The following SERPINB8 variants were observed in gnomAD, a reference collection of about 807,000 sequenced individuals.
SERPINB8 encodes serpin B8.
Under a neutral mutation model 35.3 loss-of-function variants are expected in SERPINB8, and 25 were observed. The ratio of observed to expected loss-of-function variants is 0.71; its 90% CI spans 0.52 to 0.99. SERPINB8 has a LOEUF of 0.99. SERPINB8 is among the 50% of genes least tolerant of loss of function. The pLI, the probability that SERPINB8 is intolerant of heterozygous loss-of-function variation, is 0.00. For missense variants in SERPINB8, 484 were observed against 446.5 expected (o/e 1.08, Z -0.76); for synonymous variants, 186 against 160.8 (o/e 1.16, Z -1.19).
At chr18:63,970,841 C>T (rs555668588) in intron 1 of SERPINB8, among the ~76,000 whole-genome samples, 27 of 151,788 alleles carry the variant, frequency 1.8e-4, no homozygotes, top group Non-Finnish European at 3.5e-4. Flanking sequence ...TTCATATTCT[C>T]TTCTTCATTG....
At chr18:64,011,579 C>T (rs1358216414) in intron 7 of SERPINB8, among the ~76,000 whole-genome samples, 2 of 152,088 alleles carry the variant, frequency 1.3e-5, no homozygotes, top group Admixed American at 6.5e-5. Flanking sequence ...TGTATTTCAT[C>T]ATTGGTGCCT....
downstream of SERPINB8, among the ~76,000 whole-genome samples, chr18:64,008,990 C>G (rs2050913602): frequency 6.6e-6 from 1 of 152,158 alleles, no homozygotes. Flanking sequence ...GGACCTGGTA[C>G]AGTAGAACGC....
chr18:63,985,240 G>A lies in SERPINB8; in HGVS notation c.715G>A (p.Ala239Thr), dbSNP rs983037446. 1.1e-5 allele frequency: 18 copies of A among 1,613,948 alleles called. No individual in the cohort carries two copies. The highest frequency in any genetic ancestry group is 2.2e-5 in the East Asian group (1 of 44,900). ...ILLPDDNTDL[A>T]VVEKALTYEK... is the part of the protein sequence containing the mutation. ...GCTTCCCGATGACAACACGGACCTC[G>A]CCGTGGTAAGCTCCAGGCAATGAGC... is the stretch of plus-strand genomic sequence containing the variant. The change falls in exon 6 of 7, where the codon GCC (alanine) becomes ACC (threonine). Residue 239 changes from alanine to threonine, a missense_variant. Ala to Thr is a moderately conservative substitution (Grantham distance 58). Transcript: ENST00000397985.
chr18:63,999,251 C>G (rs2050863543), intron 1 of SERPINB8, among the ~76,000 whole-genome samples: 1 of 152,194 alleles, frequency 6.6e-6, no homozygotes, highest in Non-Finnish European at 1.5e-5. Context: ...ATGCCACTCA[C>G]TCCTTGACCC....
chr18:64,015,757 G>A (rs2050946918), intron 7 of SERPINB8, among the ~76,000 whole-genome samples: 1 of 152,134 alleles, frequency 6.6e-6, no homozygotes, highest in Non-Finnish European at 1.5e-5. Flanking sequence ...ACATTTTCCA[G>A]CGACACTTCT....
At chr18:63,999,501 G>A (rs920284577) in intron 1 of SERPINB8, among the ~76,000 whole-genome samples, 21 of 152,066 alleles carry the variant, frequency 1.4e-4, no homozygotes, top group Admixed American at 7.9e-4. Flanking sequence ...GGCCTTGATG[G>A]TGGTGACCTT....
downstream of SERPINB8, among the ~76,000 whole-genome samples, chr18:64,009,067 A>T (rs2050914054): frequency 6.6e-6 from 1 of 152,238 alleles, no homozygotes; most frequent in Admixed American, 6.5e-5. Context: ...CTAAATAGCA[A>T]TAGTTAGAGA....
At chr18:64,000,813 G>C (rs972198408) in intron 1 of SERPINB8, among the ~76,000 whole-genome samples, 3 of 152,168 alleles carry the variant, frequency 2.0e-5, no homozygotes, top group African/African-American at 7.2e-5. Context: ...ATAAAAGCCT[G>C]ACTGTCACTC....
intron 6 of SERPINB8, among the ~76,000 whole-genome samples, chr18:63,986,105 A>G (rs983257017): frequency 2.0e-5 from 3 of 152,160 alleles, no homozygotes; most frequent in Admixed American, 1.3e-4. Context: ...GTGGCCACTT[A>G]TGAGAAAATT....
At chr18:64,008,537 C>T (rs1027825934), downstream of SERPINB8, among the ~76,000 whole-genome samples, 3 of 151,968 alleles carry the variant, frequency 2.0e-5, no homozygotes, top group African/African-American at 7.3e-5. Flanking sequence ...ATGTGAGCCA[C>T]CATGCCTGGC....
At position 63,978,345 on chromosome 18, in the gene SERPINB8, A is replaced by G. The variant is rs2050615517; in HGVS notation, c.37A>G (p.Ile13Val). 1 of 1,614,064 alleles carries G rather than the reference A, an allele frequency of 6.2e-7. No homozygotes were observed. Among genetic ancestry groups the G allele is most frequent in the African/African-American group, 1.3e-5 (1 of 74,914 alleles). ...DLCEANGTFA[I>V]SLFKILGEED... ...CTGTGAAGCAAATGGCACTTTTGCC[A>G]TCAGCTTATTTAAAATATTGGGGGA... Residue 13 changes from isoleucine to valine, a missense_variant, in exon 2 of 7, where the codon ATC becomes GTC. Transcript: ENST00000397985.
intron 1 of SERPINB8, among the ~76,000 whole-genome samples, chr18:64,004,124 A>G (rs1359190417): frequency 1.4e-5 from 2 of 145,484 alleles, no homozygotes; most frequent in African/African-American, 2.5e-5. Context: ...TTTATGGAGT[A>G]TTTGAGAAAA....
downstream of SERPINB8, among the ~76,000 whole-genome samples, chr18:64,008,876 C>T (rs956692332): frequency 4.6e-5 from 7 of 152,138 alleles, no homozygotes; most frequent in Non-Finnish European, 8.8e-5. Context: ...TTAACGAACC[C>T]TCTCAGTGCT....
rs1390862120 is a variant in SERPINB8, at chr18:63,987,847, G to C, written c.*569G>C. 6.5e-6 allele frequency: 1 copy of C among 152,700 alleles called. No homozygotes were observed. Among genetic ancestry groups the C allele is most frequent in the Non-Finnish European group, 1.5e-5 (1 of 68,452 alleles). 9.5% of individuals were successfully genotyped at this position (152,700 alleles called of 1,614,324 possible). On this transcript the variant is annotated 3_prime_UTR_variant, in exon 7 of 7. Transcript: ENST00000397985. The stretch of plus-strand genomic sequence containing the variant: ...ATCTTTCCATAAGCCTGAGATACAA[G>C]TTCAGGGACTCAGCAATGCACTTTA...
rs1278066881 is a variant in SERPINB8, at chr18:63,971,413, T to C, written c.-11+1243T>C. Reference sequence around the variant, plus strand: ...TGGCTGTCTTTGTTACAGGTTCACCTGGTATGGTGTGTTCCACGCATCTCA... The same window carrying C: ...TGGCTGTCTTTGTTACAGGTTCACCCGGTATGGTGTGTTCCACGCATCTCA... On this transcript the variant is annotated intron_variant, in intron 1 of 6. Coordinates refer to ENST00000397985, the MANE Select transcript of SERPINB8 (RefSeq NM_002640.4). Among the ~76,000 whole-genome samples the C allele has an allele frequency of 3.3e-5, 5 of 152,238 alleles. No individual in the cohort carries two copies. In the South Asian group the frequency reaches 1.0e-3, roughly 32 times the overall value.
At chr18:63,978,203 C>A (rs2050612392) in intron 1 of SERPINB8, 96 bp from the exon 2 acceptor site, 11 of 1,334,012 alleles carry the variant, frequency 8.2e-6, no homozygotes, top group Non-Finnish European at 1.2e-5. Flanking sequence ...GTTCTTCCAC[C>A]TACCACCTCA....
chr18:64,017,444 C>T (rs184436313), intron 7 of SERPINB8, among the ~76,000 whole-genome samples: 189 of 152,158 alleles, frequency 1.2e-3, no homozygotes, highest in African/African-American at 4.1e-3. Flanking sequence ...GTATAGAGAT[C>T]CATAGGTCAA....
chr18:63,995,132 A>C (rs2050843026), intron 1 of SERPINB8, among the ~76,000 whole-genome samples: 1 of 152,162 alleles, frequency 6.6e-6, no homozygotes, highest in African/African-American at 2.4e-5. Context: ...GAGGGTTTGC[A>C]TGGTGATAGC....
rs2050694170 is a variant in SERPINB8, at chr18:63,982,909, CT to C, written c.425-669del. ...ATTTGGGCCCCTCTATTCTACCCCCCTAATTCCTTTGCCCCATTCACCCCCT... is the reference window on the plus strand; with the variant it reads ...ATTTGGGCCCCTCTATTCTACCCCCCAATTCCTTTGCCCCATTCACCCCCT... On this transcript the variant is annotated intron_variant, in intron 4 of 6. Transcript: ENST00000397985. 2.0e-5 allele frequency among the ~76,000 whole-genome samples: 3 copies of C among 151,964 alleles called. No individual in the cohort carries two copies. In the South Asian group the frequency reaches 6.2e-4, roughly 32 times the overall value.
Sources: gnomAD v4.1 joint callset for allele counts (sites outside exome capture counted in the v4.1 genomes callset) on GRCh38, gnomAD v4.1.1 for gene constraint, MANE v1.5 for transcripts, NCBI Gene and HGNC (gene_info 2026-07-23, HGNC 2026-07-21) for gene names.